Variants in RIN2 observed in about 807,000 individuals in gnomAD.
RIN2 encodes the protein Ras and Rab interactor 2, also known as RAB5 interacting protein 2.
Under a neutral mutation model 78.0 loss-of-function variants are expected in RIN2, and 36 were observed. The observed-to-expected ratio is 0.46, with a 90% confidence interval of 0.35 to 0.61. The LOEUF (loss-of-function observed/expected upper bound fraction) is 0.61. Among genes scored for constraint, RIN2 ranks in the 20% least tolerant of loss-of-function variants. RIN2 has a pLI of 0.00. For missense variants in RIN2, 1,087 were observed against 1,159.7 expected (o/e 0.94, Z 0.91); for synonymous variants, 466 against 466.8 (o/e 1.00, Z 0.02).
At chr20:19,815,356 TAAA>T (rs1217812217) in intron 2 of RIN2, among the ~76,000 whole-genome samples, 6 of 152,198 alleles carry the variant, frequency 3.9e-5, no homozygotes, top group Non-Finnish European at 8.8e-5. Context: ...CAATAAAAAT[TAAA>T]GAAGTTATAC....
chr20:19,832,399 C>T (rs528227770), intron 2 of RIN2, among the ~76,000 whole-genome samples: 62 of 149,668 alleles, frequency 4.1e-4, no homozygotes, highest in African/African-American at 1.5e-3. Flanking sequence ...CCTAGACTGC[C>T]TCCCTCTTGC....
At chr20:19,952,955 T>C (rs763046005) in intron 4 of RIN2, among the ~76,000 whole-genome samples, 43 of 152,318 alleles carry the variant, frequency 2.8e-4, no homozygotes, top group South Asian at 6.2e-4. Flanking sequence ...GATTGGTCAC[T>C]GAGAGCTTGT....
intron 2 of RIN2, among the ~76,000 whole-genome samples, chr20:19,870,603 C>T (rs926573474): frequency 6.6e-6 from 1 of 152,120 alleles, no homozygotes; most frequent in Non-Finnish European, 1.5e-5. Context: ...GCCAAGATCG[C>T]ACCACTGCAC....
At chr20:19,792,325 A>G (rs963309048) in intron 1 of RIN2, among the ~76,000 whole-genome samples, 1 of 152,252 alleles carries the variant, frequency 6.6e-6, no homozygotes, top group Non-Finnish European at 1.5e-5. Flanking sequence ...ATATTCAAGT[A>G]TATAACATGC....
chr20:20,001,134 TCTCTTTTGGCA>T lies in RIN2; in HGVS notation c.*199_*209del. On this transcript the variant is annotated 3_prime_UTR_variant, in exon 13 of 13. Coordinates refer to ENST00000255006, the MANE Select transcript of RIN2 (RefSeq NM_018993.4). ...GCTGAGGTTTGTGAAACAGTAGGAT[TCTCTTTTGGCA>T]ATGGAGAATTGCATCTGATGGTTCA... 1 of 566,846 alleles carries T rather than the reference TCTCTTTTGGCA, an allele frequency of 1.8e-6. No individual in the cohort carries two copies. The highest frequency in any genetic ancestry group is 2.5e-5 in the South Asian group (1 of 40,422). 35.1% of individuals were successfully genotyped at this position (566,846 alleles called of 1,614,324 possible). A position where few individuals can be genotyped will look rare whatever the true frequency, so the allele number is the denominator to read the frequency against.
intron 2 of RIN2, among the ~76,000 whole-genome samples, chr20:19,826,084 C>T (rs1433576634): frequency 6.6e-6 from 1 of 150,762 alleles, no homozygotes; most frequent in Non-Finnish European, 1.5e-5. Flanking sequence ...CTAATATATG[C>T]ATTATTATGG....
chr20:19,928,442 C>T (rs13041245), intron 3 of RIN2, among the ~76,000 whole-genome samples: 7 of 152,190 alleles, frequency 4.6e-5, no homozygotes, highest in Admixed American at 3.3e-4. Context: ...CACACCGCCT[C>T]GAAATTGCAC....
chr20:19,904,100 C>T (rs886669334), intron 3 of RIN2, among the ~76,000 whole-genome samples: 5 of 151,804 alleles, frequency 3.3e-5, no homozygotes, highest in East Asian at 1.9e-4. Context: ...GGTGTGGTGG[C>T]GCACGTCTGT....
chr20:19,767,798 G>A (rs6112565), intron 1 of RIN2, among the ~76,000 whole-genome samples: 92,856 of 151,304 alleles, frequency 0.61, 30,136 homozygotes, highest in East Asian at 0.74. Flanking sequence ...GGTGGCAGGT[G>A]CCCATAATCC....
intron 1 of RIN2, among the ~76,000 whole-genome samples, chr20:19,768,922 CTTTT>C (rs778608472): frequency 4.4e-5 from 6 of 135,800 alleles, no homozygotes; most frequent in Admixed American, 7.5e-5. Flanking sequence ...CTTTCTGTTT[CTTTT>C]TTTTTTTTTT....
intron 2 of RIN2, among the ~76,000 whole-genome samples, chr20:19,832,521 C>A (rs1436194996): frequency 6.6e-6 from 1 of 151,698 alleles, no homozygotes; most frequent in African/African-American, 2.4e-5. Flanking sequence ...CCAGCCACCT[C>A]TTTCATGTGC....
At chr20:19,778,422 C>A (rs1365418330) in intron 1 of RIN2, among the ~76,000 whole-genome samples, 1 of 152,170 alleles carries the variant, frequency 6.6e-6, no homozygotes, top group African/African-American at 2.4e-5. Flanking sequence ...GTGGTGGGAA[C>A]TTTATCTACT....
At chr20:19,850,395 T>C (rs1014581469) in intron 2 of RIN2, among the ~76,000 whole-genome samples, 1 of 152,192 alleles carries the variant, frequency 6.6e-6, no homozygotes, top group African/African-American at 2.4e-5. Context: ...GGAGAAATGT[T>C]ACGTATCCCA....
At chr20:19,988,296 T>A (rs940403635) in intron 9 of RIN2, among the ~76,000 whole-genome samples, 1 of 152,168 alleles carries the variant, frequency 6.6e-6, no homozygotes, top group Non-Finnish European at 1.5e-5. Flanking sequence ...TTTTTTGTAT[T>A]TTTGGTAGTG....
chr20:19,834,532 G>C (rs1251960856), intron 2 of RIN2, among the ~76,000 whole-genome samples: 2 of 152,090 alleles, frequency 1.3e-5, no homozygotes, highest in African/African-American at 4.8e-5. Context: ...TCCTCCTCCT[G>C]CCCTCCCACC....
intron 2 of RIN2, among the ~76,000 whole-genome samples, chr20:19,805,409 A>AT (rs2035376341): frequency 6.6e-6 from 1 of 151,662 alleles, no homozygotes; most frequent in Non-Finnish European, 1.5e-5. Flanking sequence ...TAGGGACCTT[A>AT]TTTTTTTTCT....
intron 3 of RIN2, among the ~76,000 whole-genome samples, chr20:19,890,216 T>C (rs1451695867): frequency 1.3e-5 from 2 of 152,174 alleles, no homozygotes; most frequent in Non-Finnish European, 2.9e-5. Context: ...TGTGTTCATA[T>C]TGATGTTAAT....
intron 2 of RIN2, among the ~76,000 whole-genome samples, chr20:19,871,632 G>A (rs1242476040): frequency 1.3e-5 from 2 of 152,160 alleles, no homozygotes; most frequent in African/African-American, 4.8e-5. Flanking sequence ...GGGAGTTAGG[G>A]CATGCATTGC....
At chr20:19,811,996 A>C (rs2035619204) in intron 2 of RIN2, among the ~76,000 whole-genome samples, 1 of 152,112 alleles carries the variant, frequency 6.6e-6, no homozygotes, top group African/African-American at 2.4e-5. Flanking sequence ...TTTGTGCCTG[A>C]CTACTCCCAC....
Sources: gnomAD v4.1 joint callset for allele counts (sites outside exome capture counted in the v4.1 genomes callset) on GRCh38, gnomAD v4.1.1 for gene constraint, MANE v1.5 for transcripts, NCBI Gene and HGNC (gene_info 2026-07-23, HGNC 2026-07-21) for gene names.